The following TRIP12 variants were observed in gnomAD, a reference collection of about 807,000 sequenced individuals.
The protein encoded by TRIP12 is E3 ubiquitin-protein ligase TRIP12.
TRIP12 carries 25 observed loss-of-function variants against 244.2 expected under a neutral mutation model. The ratio of observed to expected loss-of-function variants is 0.10; its 90% CI spans 0.07 to 0.14. The LOEUF is 0.14. Ranked by LOEUF, TRIP12 falls within the 10% of genes least tolerant of loss-of-function variation. TRIP12 has a pLI of 1.00. For missense variants in TRIP12, 1,677 were observed against 2,486.4 expected (o/e 0.67, Z 6.92); for synonymous variants, 905 against 873.1 (o/e 1.04, Z -0.64).
chr2:229,768,788 G>T, intron 40 of TRIP12, 69 bp from the exon 41 acceptor site: 1 of 1,338,814 alleles, frequency 7.5e-7, no homozygotes, highest in South Asian at 1.4e-5. Flanking sequence ...ACACTGCATC[G>T]CATCACATGA....
At chr2:229,922,522 G>T (rs769932493), upstream of TRIP12, 1 of 1,613,708 alleles carries the variant, frequency 6.2e-7, no homozygotes, top group African/African-American at 1.3e-5. Flanking sequence ...AGATGGCGTC[G>T]TGGCTGCCGG....
chr2:229,855,289 A>G (rs2059399738), intron 4 of TRIP12, among the ~76,000 whole-genome samples: 2 of 152,142 alleles, frequency 1.3e-5, no homozygotes, highest in East Asian at 3.8e-4. Context: ...CAAAAACAAA[A>G]AACAACAACT....
At chr2:229,785,473 G>A (rs938723953) in intron 34 of TRIP12, among the ~76,000 whole-genome samples, 3 of 152,118 alleles carry the variant, frequency 2.0e-5, no homozygotes, top group African/African-American at 7.2e-5. Flanking sequence ...TTTTAAAAAA[G>A]GCAATTCAAA....
chr2:229,824,376 G>T (rs941008655), intron 8 of TRIP12, among the ~76,000 whole-genome samples: 1 of 152,210 alleles, frequency 6.6e-6, no homozygotes, highest in South Asian at 2.1e-4. Flanking sequence ...ACTCCAAATG[G>T]GGGGGAGTTT....
At chr2:229,773,854 G>C in intron 38 of TRIP12, 1 of 346,812 alleles carries the variant, frequency 2.9e-6, no homozygotes, top group Non-Finnish European at 5.2e-6. Context: ...AAGAAAACGT[G>C]GTGTAATTAG....
chr2:229,770,507 T>C (rs933925287), intron 39 of TRIP12, among the ~76,000 whole-genome samples: 6 of 152,202 alleles, frequency 3.9e-5, no homozygotes, highest in Non-Finnish European at 7.3e-5. Context: ...GTAGTGAACA[T>C]ACACTCTAAA....
At chr2:229,838,442 T>G (rs916957027) in intron 5 of TRIP12, among the ~76,000 whole-genome samples, 1 of 152,192 alleles carries the variant, frequency 6.6e-6, no homozygotes, top group African/African-American at 2.4e-5. Flanking sequence ...AGAAAAGATT[T>G]GCCATGAAGA....
chr2:229,814,444 C>A, intron 11 of TRIP12, 119 bp from the exon 12 acceptor site: 1 of 898,294 alleles, frequency 1.1e-6, no homozygotes, highest in South Asian at 2.1e-5. Flanking sequence ...TGTAACCCAC[C>A]ATAGGATGCA....
intron 34 of TRIP12, among the ~76,000 whole-genome samples, chr2:229,784,840 A>C (rs893368528): frequency 6.6e-6 from 1 of 152,258 alleles, no homozygotes; most frequent in African/African-American, 2.4e-5. Context: ...AAAATGTGAC[A>C]GCCACTTTGG....
intron 7 of TRIP12, among the ~76,000 whole-genome samples, chr2:229,829,981 C>G (rs2052870914): frequency 6.6e-6 from 1 of 152,040 alleles, no homozygotes; most frequent in African/African-American, 2.4e-5. Context: ...CTATGTGTTC[C>G]TGAGAGTCCG....
chr2:229,878,267 T>C (rs1197007856), intron 2 of TRIP12, among the ~76,000 whole-genome samples: 1 of 151,930 alleles, frequency 6.6e-6, no homozygotes, highest in Non-Finnish European at 1.5e-5. Flanking sequence ...CTGACCAACA[T>C]GGTGAAACAC....
chr2:229,886,009 T>A (rs1487116197), intron 1 of TRIP12, among the ~76,000 whole-genome samples: 1 of 152,040 alleles, frequency 6.6e-6, no homozygotes, highest in Non-Finnish European at 1.5e-5. Context: ...TTAAGTACAA[T>A]CTTAAAGAAA....
At chr2:229,791,298 G>T in intron 29 of TRIP12, 47 bp from the exon 30 acceptor site, 1 of 1,605,962 alleles carries the variant, frequency 6.2e-7, no homozygotes, top group South Asian at 1.1e-5. Flanking sequence ...TTTTGAAACT[G>T]ATACAAAGCC....
chr2:229,843,696 C>T (rs1383387161), intron 4 of TRIP12, among the ~76,000 whole-genome samples: 1 of 152,178 alleles, frequency 6.6e-6, no homozygotes, highest in Non-Finnish European at 1.5e-5. Flanking sequence ...ATCAACAACA[C>T]TGTAAGACCC....
chr2:229,862,873 C>T (rs1032224361), intron 2 of TRIP12, among the ~76,000 whole-genome samples: 6 of 152,132 alleles, frequency 3.9e-5, no homozygotes, highest in Non-Finnish European at 8.8e-5. Flanking sequence ...CTATATTATA[C>T]CACAAAAAGT....
intron 32 of TRIP12, among the ~76,000 whole-genome samples, chr2:229,788,222 A>T (rs1440993916): frequency 6.6e-6 from 1 of 152,184 alleles, no homozygotes; most frequent in Admixed American, 6.5e-5. Context: ...AAAATCCTAC[A>T]CTTAAGTCGA....
At chr2:229,922,297 G>A, upstream of TRIP12, 1 of 573,758 alleles carries the variant, frequency 1.7e-6, no homozygotes, top group Non-Finnish European at 3.1e-6. Flanking sequence ...GTGGTAGCAG[G>A]AACTAATTCC....
intron 2 of TRIP12, among the ~76,000 whole-genome samples, chr2:229,878,074 C>G (rs1025856846): frequency 6.6e-6 from 1 of 152,194 alleles, no homozygotes; most frequent in Non-Finnish European, 1.5e-5. Context: ...TATGAAATAG[C>G]TATCCCATTC....
chr2:229,809,345 C>A (rs555093880), intron 15 of TRIP12, among the ~76,000 whole-genome samples: 1 of 151,660 alleles, frequency 6.6e-6, no homozygotes, highest in Non-Finnish European at 1.5e-5. Context: ...AAAATAGAGA[C>A]AGATAGAAGA....
Sources: allele counts gnomAD v4.1 joint callset (sites outside exome capture counted in the v4.1 genomes callset), GRCh38; gene constraint gnomAD v4.1.1; transcripts MANE v1.5; gene names NCBI Gene and HGNC (gene_info 2026-07-23, HGNC 2026-07-21).